SPATA9: variants seen among roughly 807,000 people sequenced by gnomAD.
SPATA9 encodes spermatogenesis-associated protein 9.
A neutral mutation model predicts 25.5 loss-of-function variants in SPATA9; 27 were observed. The observed-to-expected ratio is 1.06, with a 90% CI of 0.78 to 1.46. SPATA9 has a LOEUF of 1.46. Among genes scored for constraint, SPATA9 ranks in the 40% most tolerant of loss-of-function variants. The probability of loss-of-function intolerance (pLI) is 0.00; values close to 1 mark genes in which losing one functional copy is unlikely to be tolerated. For missense variants in SPATA9, 282 were observed against 297.5 expected, an observed-to-expected ratio of 0.95 and a Z score of 0.38; for synonymous variants, 102 against 105.7, an observed-to-expected ratio of 0.97 and a Z score of 0.21.
chr5:95,675,314 C>T (rs1252737972), intron 3 of SPATA9, 98 bp downstream of exon 3: 4 of 967,926 alleles, frequency 4.1e-6, no homozygotes, highest in Non-Finnish European at 6.1e-6. Flanking sequence ...ATCTGTTTTA[C>T]ACTGGACAAT....
chr5:95,676,478 C>CT (rs1179511503), intron 2 of SPATA9, among the ~76,000 whole-genome samples: 3 of 152,086 alleles, frequency 2.0e-5, no homozygotes, highest in Non-Finnish European at 4.4e-5. Flanking sequence ...TCTTGCTTTT[C>CT]TTTTTTTATT....
the SPATA9 span, chr5:95,731,602 G>A: frequency 6.3e-7 from 1 of 1,592,264 alleles, no homozygotes; most frequent in South Asian, 1.1e-5. Context: ...GATTGCGGGT[G>A]AACTCGCCGC....
chr5:95,656,489 T>A (rs528262638), downstream of SPATA9: 1 of 558,694 alleles, frequency 1.8e-6, no homozygotes, highest in Non-Finnish European at 3.1e-6. Flanking sequence ...ATCATCAGGA[T>A]CAATAGAATA....
At chr5:95,686,487 G>A (rs575063971), upstream of SPATA9, among the ~76,000 whole-genome samples, 22 of 152,064 alleles carry the variant, frequency 1.4e-4, no homozygotes, top group African/African-American at 3.9e-4. Context: ...GTTCACTTAC[G>A]TCTAATTAAT....
chr5:95,658,499 C>G lies in SPATA9; in HGVS notation c.*124G>C. On this transcript the variant is annotated 3_prime_UTR_variant, in exon 5 of 5. Coordinates refer to ENST00000274432, the MANE Select transcript of SPATA9 (RefSeq NM_031952.4). ...CTAGAAAATGACATTTTAATAGTAGCCCCCTTCTCTTTTTTTTAAGAAAGC... is the reference window on the plus strand; with the variant it reads ...CTAGAAAATGACATTTTAATAGTAGGCCCCTTCTCTTTTTTTTAAGAAAGC... The G allele has an allele frequency of 2.4e-6, 3 of 1,231,100 alleles. 1 individual carries two copies. Among genetic ancestry groups the G allele is most frequent in the Non-Finnish European group, 1.1e-6 (1 of 923,304 alleles). 76.3% of individuals were successfully genotyped at this position (1,231,100 alleles called of 1,614,324 possible). A position where few individuals can be genotyped will look rare whatever the true frequency, so the allele number is the denominator to read the frequency against.
At chr5:95,658,986 A>G in intron 4 of SPATA9, 73 bp from the exon 5 acceptor site, 1 of 1,506,824 alleles carries the variant, frequency 6.6e-7, no homozygotes, top group Non-Finnish European at 8.9e-7. Context: ...AACATACAAT[A>G]TAGTGTTCCA....
upstream of SPATA9, among the ~76,000 whole-genome samples, chr5:95,686,911 T>C (rs1753761321): frequency 6.6e-6 from 1 of 152,160 alleles, no homozygotes; most frequent in Non-Finnish European, 1.5e-5. Flanking sequence ...TCTAAGGCAG[T>C]GGACACAAGT....
intron 3 of SPATA9, 87 bp downstream of exon 3, chr5:95,675,325 C>G (rs1340855988): frequency 9.2e-6 from 10 of 1,083,634 alleles, no homozygotes; most frequent in Non-Finnish European, 1.2e-5. Flanking sequence ...ACTGGACAAT[C>G]AAGTTCACCA....
the SPATA9 span, among the ~76,000 whole-genome samples, chr5:95,718,882 C>T: frequency 2.0e-5 from 3 of 152,098 alleles, no homozygotes; most frequent in Admixed American, 6.6e-5. Context: ...CAGGAGAGCA[C>T]AAGCAGGGAA....
At chr5:95,669,948 A>G (rs1281981622) in intron 3 of SPATA9, among the ~76,000 whole-genome samples, 3 of 152,148 alleles carry the variant, frequency 2.0e-5, no homozygotes, top group African/African-American at 4.8e-5. Context: ...GGTTTGAGGA[A>G]TAATTTTATT....
chr5:95,720,979 A>G, the SPATA9 span, among the ~76,000 whole-genome samples: 1 of 152,240 alleles, frequency 6.6e-6, no homozygotes, highest in African/African-American at 2.4e-5. Context: ...GTCAGTTTCT[A>G]TGGTGGTAAA....
upstream of SPATA9, among the ~76,000 whole-genome samples, chr5:95,686,016 T>C (rs1753736429): frequency 6.6e-6 from 1 of 152,152 alleles, no homozygotes; most frequent in African/African-American, 2.4e-5. Flanking sequence ...TTTGTATTTT[T>C]AGTAGAGGCA....
At chr5:95,690,027 C>T (rs1753843339) in intron 1 of SPATA9, among the ~76,000 whole-genome samples, 1 of 151,942 alleles carries the variant, frequency 6.6e-6, no homozygotes, top group Non-Finnish European at 1.5e-5. Flanking sequence ...GAGACTGGGG[C>T]TTTCTTGAGG....
chr5:95,704,933 C>T, the SPATA9 span, among the ~76,000 whole-genome samples: 3 of 151,452 alleles, frequency 2.0e-5, no homozygotes, highest in South Asian at 2.1e-4. Flanking sequence ...TAATCCCATA[C>T]ATGAGGATAG....
At chr5:95,682,691 T>C in intron 1 of SPATA9, 75 bp from the exon 2 acceptor site, 1 of 1,513,802 alleles carries the variant, frequency 6.6e-7, no homozygotes, top group Non-Finnish European at 9.0e-7. Context: ...CATGAAACAC[T>C]TGATCAAATT....
chr5:95,674,877 C>T, intron 3 of SPATA9: 3 of 427,064 alleles, frequency 7.0e-6, no homozygotes, highest in Non-Finnish European at 1.4e-5. Flanking sequence ...ATTTAGGATG[C>T]TTTGTATAAT....
At chr5:95,731,293 AC>A in the SPATA9 span, 2 of 1,029,826 alleles carry the variant, frequency 1.9e-6, no homozygotes, top group African/African-American at 3.4e-5. Flanking sequence ...GATCTCCCCG[AC>A]CCCCCTTCTC....
chr5:95,669,560 T>G (rs536976750), intron 3 of SPATA9, among the ~76,000 whole-genome samples: 7 of 152,308 alleles, frequency 4.6e-5, no homozygotes, highest in African/African-American at 1.4e-4. Flanking sequence ...TTCTATACCA[T>G]GCCGCAGTAT....
At chr5:95,659,896 A>G (rs1008871846) in intron 4 of SPATA9, among the ~76,000 whole-genome samples, 1 of 152,164 alleles carries the variant, frequency 6.6e-6, no homozygotes, top group Non-Finnish European at 1.5e-5. Context: ...GATTTTTGGA[A>G]AAGTTTTTCC....
Sources: allele counts gnomAD v4.1 joint callset (sites outside exome capture counted in the v4.1 genomes callset), GRCh38; gene constraint gnomAD v4.1.1; transcripts MANE v1.5; gene names NCBI Gene and HGNC (gene_info 2026-07-23, HGNC 2026-07-21).